The following KIAA0825 variants were observed in gnomAD, a reference collection of about 807,000 sequenced individuals.
KIAA0825 encodes the protein KIAA0825.
Under a neutral mutation model 147.6 loss-of-function variants are expected in KIAA0825, and 119 were observed. That is an observed-to-expected ratio of 0.81 (90% confidence interval 0.69 to 0.94). The LOEUF is 0.94. Among genes scored for constraint, KIAA0825 ranks in the 40% least tolerant of loss-of-function variants. The pLI is 0.00. For synonymous variants in KIAA0825, 470 were observed against 518.1 expected (o/e 0.91, Z 1.26); for missense variants, 1,381 against 1,472.7 (o/e 0.94, Z 1.02).
intron 20 of KIAA0825, among the ~76,000 whole-genome samples, chr5:94,360,405 G>A (rs920996604): frequency 9.2e-5 from 14 of 152,262 alleles, no homozygotes; most frequent in Middle Eastern, 3.4e-3. Context: ...GTAAAATAAG[G>A]CTGAGACCTG....
intron 20 of KIAA0825, among the ~76,000 whole-genome samples, chr5:94,367,906 C>A (rs1234704670): frequency 1.3e-5 from 2 of 152,170 alleles, no homozygotes; most frequent in African/African-American, 4.8e-5. Flanking sequence ...AATGTGGAAG[C>A]AGCCTTAAAT....
intron 20 of KIAA0825, among the ~76,000 whole-genome samples, chr5:94,312,191 A>G (rs957889415): frequency 6.6e-6 from 1 of 151,546 alleles, no homozygotes; most frequent in Non-Finnish European, 1.5e-5. Context: ...CATGTGATAT[A>G]GTTTGTTTAT....
intron 20 of KIAA0825, among the ~76,000 whole-genome samples, chr5:94,201,267 T>G (rs1268302732): frequency 6.6e-6 from 1 of 151,380 alleles, no homozygotes; most frequent in Non-Finnish European, 1.5e-5. Context: ...ATTTAATAAA[T>G]GTATAACTTA....
At chr5:94,354,224 CAG>C (rs1784008688) in intron 20 of KIAA0825, among the ~76,000 whole-genome samples, 1 of 152,284 alleles carries the variant, frequency 6.6e-6, no homozygotes, top group African/African-American at 2.4e-5. Flanking sequence ...GTAGAAATAT[CAG>C]AGTTTGCTCA....
intron 20 of KIAA0825, among the ~76,000 whole-genome samples, chr5:94,280,907 T>C (rs1777427600): frequency 6.6e-6 from 1 of 152,028 alleles, no homozygotes; most frequent in Non-Finnish European, 1.5e-5. Context: ...GTATCAGTGT[T>C]TTGAGCAAGA....
intron 10 of KIAA0825, among the ~76,000 whole-genome samples, chr5:94,466,439 A>G (rs1357306702): frequency 6.6e-6 from 1 of 152,128 alleles, no homozygotes; most frequent in African/African-American, 2.4e-5. Flanking sequence ...TAAACTCTTT[A>G]AGAAAAAAGA....
intron 20 of KIAA0825, among the ~76,000 whole-genome samples, chr5:94,307,166 C>G (rs1368115796): frequency 6.6e-6 from 1 of 151,732 alleles, no homozygotes; most frequent in Non-Finnish European, 1.5e-5. Flanking sequence ...TCAACTCTTC[C>G]TTTTTCATAA....
At chr5:94,367,732 T>C (rs188114792) in intron 20 of KIAA0825, among the ~76,000 whole-genome samples, 10 of 152,314 alleles carry the variant, frequency 6.6e-5, no homozygotes, top group African/African-American at 2.4e-4. Context: ...AAAGAAAATA[T>C]ATTTAAAAAT....
intron 5 of KIAA0825, among the ~76,000 whole-genome samples, chr5:94,499,913 T>C (rs1443705455): frequency 6.6e-6 from 1 of 152,110 alleles, no homozygotes; most frequent in Non-Finnish European, 1.5e-5. Flanking sequence ...GAAAGGCATA[T>C]GGAGATGCTG....
Position 94,288,975 on chromosome 5 carries a change from T to C in KIAA0825, c.3710+95393A>G, listed in dbSNP as rs955683749. Among the ~76,000 whole-genome samples, 9 of 152,306 alleles carry C rather than the reference T, an allele frequency of 5.9e-5. No homozygotes were observed. The South Asian group carries it at 1.7e-3, about 28-fold the overall frequency. ...GATGGCCCCCAACGTATGGGTGTTA[T>C]GCTGATCAACCCCCCTTTCTTGACA... On this transcript the variant is annotated intron_variant, in intron 20 of 20. Transcript: ENST00000682413.
chr5:94,262,859 T>C (rs1213204586), intron 20 of KIAA0825, among the ~76,000 whole-genome samples: 2 of 152,024 alleles, frequency 1.3e-5, no homozygotes, highest in Admixed American at 6.6e-5. Context: ...GAAGTGGAGA[T>C]ATAGTTTCCC....
intron 5 of KIAA0825, among the ~76,000 whole-genome samples, chr5:94,500,542 G>A (rs984799885): frequency 7.2e-5 from 11 of 152,088 alleles, no homozygotes; most frequent in Non-Finnish European, 1.0e-4. Context: ...GAAGAGAAGC[G>A]GGGATCCAGG....
At chr5:94,618,085 T>C (rs967755739) in intron 1 of KIAA0825, 2 of 152,278 alleles carry the variant, frequency 1.3e-5, no homozygotes, top group Non-Finnish European at 2.9e-5. Context: ...GATGTCTTCT[T>C]CAGCCAACCT....
At chr5:94,601,247 C>G (rs575653404) in intron 1 of KIAA0825, among the ~76,000 whole-genome samples, 6 of 152,164 alleles carry the variant, frequency 3.9e-5, no homozygotes, top group African/African-American at 1.4e-4. Flanking sequence ...TATTTCACAG[C>G]CTTCACTGGT....
At chr5:94,462,617 C>CTGCT (rs766287511) in intron 11 of KIAA0825, 48 bp from the exon 12 acceptor site, 1 of 1,181,276 alleles carries the variant, frequency 8.5e-7, no homozygotes, top group South Asian at 1.8e-5. Flanking sequence ...AATAATGTCT[C>CTGCT]TGCTTGGTAG....
chr5:94,527,121 T>C (rs1769454555), intron 3 of KIAA0825, among the ~76,000 whole-genome samples: 1 of 152,044 alleles, frequency 6.6e-6, no homozygotes, highest in Middle Eastern at 3.2e-3. Context: ...ATAAGAAATA[T>C]GAATTTATTT....
intron 12 of KIAA0825, among the ~76,000 whole-genome samples, chr5:94,458,453 A>G (rs1759403793): frequency 6.6e-6 from 1 of 152,220 alleles, no homozygotes; most frequent in Non-Finnish European, 1.5e-5. Context: ...GGTTGAGAAC[A>G]GGACACTAGG....
At chr5:94,551,449 A>G (rs1411988739) in intron 2 of KIAA0825, among the ~76,000 whole-genome samples, 1 of 152,116 alleles carries the variant, frequency 6.6e-6, no homozygotes, top group Non-Finnish European at 1.5e-5. Context: ...ACAAAAAATA[A>G]TTCTAAAAAC....
intron 13 of KIAA0825, among the ~76,000 whole-genome samples, chr5:94,451,012 C>A (rs1178955064): frequency 6.6e-6 from 1 of 152,106 alleles, no homozygotes. Flanking sequence ...GCACTTTGCA[C>A]TCCATAAAAG....
Sources: allele counts gnomAD v4.1 joint callset (sites outside exome capture counted in the v4.1 genomes callset), GRCh38; gene constraint gnomAD v4.1.1; transcripts MANE v1.5; gene names NCBI Gene and HGNC (gene_info 2026-07-23, HGNC 2026-07-21).